DIS3L2: variants seen among roughly 807,000 people sequenced by gnomAD.
DIS3L2 encodes the protein DIS3 like 3'-5' exoribonuclease 2, also known as DIS3-like exonuclease 2.
In DIS3L2, 34 loss-of-function variants were observed where a neutral mutation model predicts 97.5. The ratio of observed to expected loss-of-function variants is 0.35; its 90% confidence interval spans 0.27 to 0.46. The LOEUF (loss-of-function observed/expected upper bound fraction) is 0.46, where lower values mean the gene tolerates loss of function less well. Among genes scored for constraint, DIS3L2 ranks in the 20% least tolerant of loss-of-function variants. The probability of loss-of-function intolerance (pLI) is 1.00; values close to 1 mark genes in which losing one functional copy is unlikely to be tolerated. For missense variants in DIS3L2, 1,038 were observed against 1,146.0 expected, an observed-to-expected ratio of 0.91 and a Z score of 1.36; for synonymous variants, 435 against 445.2, an observed-to-expected ratio of 0.98 and a Z score of 0.29.
intron 14 of DIS3L2, among the ~76,000 whole-genome samples, chr2:232,324,082 A>G (rs1307946701): frequency 6.6e-6 from 1 of 152,006 alleles, no homozygotes; most frequent in Non-Finnish European, 1.5e-5. Context: ...TGCTAAGAAC[A>G]CAGCAGGTTC....
chr2:232,193,165 G>C (rs560213780), intron 9 of DIS3L2, among the ~76,000 whole-genome samples: 13 of 152,156 alleles, frequency 8.5e-5, no homozygotes, highest in Admixed American at 2.0e-4. Flanking sequence ...AGATTATTCC[G>C]TTTTGACTTT....
At chr2:232,075,417 T>C (rs560527603) in intron 5 of DIS3L2, among the ~76,000 whole-genome samples, 4 of 152,350 alleles carry the variant, frequency 2.6e-5, no homozygotes, top group Non-Finnish European at 4.4e-5. Flanking sequence ...AAATTCTCTC[T>C]ACTTTGCTCA....
At chr2:232,149,392 CTG>C (rs1453421178) in intron 8 of DIS3L2, among the ~76,000 whole-genome samples, 1 of 112,230 alleles carries the variant, frequency 8.9e-6, no homozygotes, top group Non-Finnish European at 1.8e-5. Context: ...ATTCCCCTTC[CTG>C]TGTCCATGTG....
At chr2:231,998,023 T>G (rs1693776337) in intron 1 of DIS3L2, among the ~76,000 whole-genome samples, 1 of 152,216 alleles carries the variant, frequency 6.6e-6, no homozygotes, top group South Asian at 2.1e-4. Context: ...GAACAGTTTT[T>G]CCTTTCATGA....
chr2:232,160,145 T>C (rs1325650493), intron 8 of DIS3L2, among the ~76,000 whole-genome samples: 1 of 152,224 alleles, frequency 6.6e-6, no homozygotes. Flanking sequence ...TTGGAAAGTA[T>C]GCCATCTACC....
intron 13 of DIS3L2, among the ~76,000 whole-genome samples, chr2:232,264,994 A>G (rs1412386927): frequency 6.6e-6 from 1 of 152,232 alleles, no homozygotes; most frequent in Admixed American, 6.5e-5. Context: ...TGAAGAAGAC[A>G]GCAGACATGG....
At chr2:232,299,509 C>T (rs953658773) in intron 13 of DIS3L2, among the ~76,000 whole-genome samples, 1 of 152,240 alleles carries the variant, frequency 6.6e-6, no homozygotes, top group African/African-American at 2.4e-5. Flanking sequence ...ACTGTGCTCT[C>T]TCCTCAGGAG....
chr2:232,270,075 C>G, intron 13 of DIS3L2, among the ~76,000 whole-genome samples: 1 of 152,052 alleles, frequency 6.6e-6, no homozygotes, highest in Admixed American at 6.5e-5. Flanking sequence ...GGCTAGGGAT[C>G]AGGGAATCAG....
At chr2:232,175,030 T>A (rs114533500) in intron 9 of DIS3L2, among the ~76,000 whole-genome samples, 6,970 of 152,120 alleles carry the variant, frequency 0.046, 526 homozygotes, top group African/African-American at 0.16. Flanking sequence ...GGTTTTGCTG[T>A]GTTGCCCGGG....
intron 14 of DIS3L2, among the ~76,000 whole-genome samples, chr2:232,301,731 G>A (rs1296572480): frequency 6.6e-6 from 1 of 151,916 alleles, no homozygotes; most frequent in Non-Finnish European, 1.5e-5. Flanking sequence ...AATGGGAGAA[G>A]GACACCAGCT....
chr2:232,204,311 A>G (rs920698106), intron 9 of DIS3L2, among the ~76,000 whole-genome samples: 3 of 152,166 alleles, frequency 2.0e-5, no homozygotes, highest in Non-Finnish European at 4.4e-5. Context: ...AAGGAACAGA[A>G]ATTATTTCTA....
At chr2:232,163,194 AGGAAAGCCT>A (rs1256247215) in intron 8 of DIS3L2, among the ~76,000 whole-genome samples, 8 of 152,174 alleles carry the variant, frequency 5.3e-5, no homozygotes. Context: ...AGGGGTCCTA[AGGAAAGCCT>A]TCTGGCTCTG....
chr2:232,203,835 A>G (rs959956673), intron 9 of DIS3L2, among the ~76,000 whole-genome samples: 9 of 152,186 alleles, frequency 5.9e-5, no homozygotes, highest in African/African-American at 2.2e-4. Context: ...CAGGCCTTTA[A>G]CTGCAAGGTA....
At chr2:231,963,349 A>G (rs913939532) in intron 1 of DIS3L2, among the ~76,000 whole-genome samples, 6 of 151,936 alleles carry the variant, frequency 3.9e-5, no homozygotes, top group Non-Finnish European at 2.9e-5. Flanking sequence ...CATGTTTTCC[A>G]TATATTTGTT....
At chr2:232,287,124 C>T (rs1021118284) in intron 13 of DIS3L2, among the ~76,000 whole-genome samples, 1 of 152,186 alleles carries the variant, frequency 6.6e-6, no homozygotes, top group Non-Finnish European at 1.5e-5. Context: ...CTCTGTCTGT[C>T]CCCTGAGTTC....
chr2:231,986,287 A>C (rs977682736), intron 1 of DIS3L2, among the ~76,000 whole-genome samples: 1 of 151,038 alleles, frequency 6.6e-6, no homozygotes, highest in East Asian at 1.9e-4. Context: ...TCCTTAATAA[A>C]CTCCCTTTCA....
Position 231,968,001 on chromosome 2 carries a change from G to T in DIS3L2, c.-94+6236G>T, listed in dbSNP as rs549528770. ...TAAGTTTTGACATATGTGTGTACTT[G>T]TAAGACTATCATCACAAACAGGACA... On this transcript the variant is annotated intron_variant, in intron 1 of 20. Transcript: ENST00000325385. 7.9e-5 allele frequency among the ~76,000 whole-genome samples: 12 copies of T among 151,822 alleles called. No individual in the cohort carries two copies. The South Asian group carries it at 2.3e-3, about 29-fold the overall frequency.
At chr2:232,020,125 T>C (rs1694471882) in intron 3 of DIS3L2, among the ~76,000 whole-genome samples, 1 of 152,116 alleles carries the variant, frequency 6.6e-6, no homozygotes, top group African/African-American at 2.4e-5. Flanking sequence ...AGTTATATTA[T>C]GGGACAAGTG....
intron 6 of DIS3L2, among the ~76,000 whole-genome samples, chr2:232,091,956 A>G (rs1696853008): frequency 6.6e-6 from 1 of 152,188 alleles, no homozygotes; most frequent in Non-Finnish European, 1.5e-5. Context: ...TTCCTCGCTC[A>G]AGAAGTCTTT....
Sources: gnomAD v4.1 joint callset for allele counts (sites outside exome capture counted in the v4.1 genomes callset) on GRCh38, gnomAD v4.1.1 for gene constraint, MANE v1.5 for transcripts, NCBI Gene and HGNC (gene_info 2026-07-23, HGNC 2026-07-21) for gene names.